Variants in UNC5D observed in about 807,000 individuals in gnomAD.
The protein encoded by UNC5D is unc-5 netrin receptor D, also known as netrin receptor UNC5D.
A neutral mutation model predicts 105.4 loss-of-function variants in UNC5D; 39 were observed. The observed-to-expected ratio is 0.37, with a 90% CI of 0.29 to 0.48. UNC5D has a LOEUF of 0.48. Among genes scored for constraint, UNC5D ranks in the 20% least tolerant of loss-of-function variants. UNC5D has a pLI of 0.98. For synonymous variants in UNC5D, 452 were observed against 450.4 expected (o/e 1.00, Z -0.04); for missense variants, 991 against 1,202.4 (o/e 0.82, Z 2.60).
chr8:35,370,300 G>T (rs537069403), intron 1 of UNC5D, among the ~76,000 whole-genome samples: 2 of 152,208 alleles, frequency 1.3e-5, no homozygotes, highest in East Asian at 3.9e-4. Flanking sequence ...CTAAATTAAA[G>T]AAAAAATATA....
chr8:35,599,701 G>T (rs1449035834), intron 4 of UNC5D, among the ~76,000 whole-genome samples: 1 of 152,042 alleles, frequency 6.6e-6, no homozygotes, highest in Non-Finnish European at 1.5e-5. Flanking sequence ...GTACTAACAG[G>T]TGAAGAAAAC....
rs1353156724 is a variant in UNC5D at position 35,337,102 on chromosome 8, ATAAAT to A, written c.103+101217_103+101221del. On this transcript the variant is annotated intron_variant, in intron 1 of 16. Transcript: ENST00000404895. ...ATGATTTAGAAATCTTGCAGTGGTT[ATAAAT>A]TCTGATATAATACATCACAGACTTC... is the stretch of plus-strand genomic sequence containing the variant. Among the ~76,000 whole-genome samples, 11 of 152,326 alleles carry A rather than the reference ATAAAT, an allele frequency of 7.2e-5. No individual in the cohort carries two copies. In the East Asian group the frequency reaches 1.9e-3, roughly 27 times the overall value.
At chr8:35,495,041 C>T (rs981797299) in intron 1 of UNC5D, among the ~76,000 whole-genome samples, 7 of 151,902 alleles carry the variant, frequency 4.6e-5, no homozygotes, top group African/African-American at 2.4e-5. Context: ...CCCAGGGGAC[C>T]GATCCAGTGA....
In UNC5D at chr8:35,745,741, C is replaced by T. The variant is rs555632602; in HGVS notation, c.1767-2786C>T. Among the ~76,000 whole-genome samples, 4 of 152,252 alleles carry T rather than the reference C, an allele frequency of 2.6e-5. No individual in the cohort carries two copies. In the South Asian group the frequency reaches 8.3e-4, roughly 32 times the overall value. On this transcript the variant is annotated intron_variant, in intron 11 of 16. Transcript: ENST00000404895. Reference sequence around the variant, plus strand: ...TGAAAAACATTAAGTAGCAAAAGTTCTATGCAAAAAGGTTTTTCAGTCTAC... The same window carrying T: ...TGAAAAACATTAAGTAGCAAAAGTTTTATGCAAAAAGGTTTTTCAGTCTAC...
At chr8:35,359,031 G>A (rs373175423) in intron 1 of UNC5D, among the ~76,000 whole-genome samples, 13 of 152,022 alleles carry the variant, frequency 8.6e-5, no homozygotes, top group African/African-American at 1.7e-4. Context: ...CACACCTGTC[G>A]TCCCATGTAC....
chr8:35,344,911 C>T (rs375339988), intron 1 of UNC5D, among the ~76,000 whole-genome samples: 4 of 151,968 alleles, frequency 2.6e-5, no homozygotes, highest in South Asian at 4.2e-4. Flanking sequence ...GTGTTTAATA[C>T]CCTAGATAAG....
At chr8:35,560,417 A>G (rs1295650624) in intron 2 of UNC5D, among the ~76,000 whole-genome samples, 1 of 152,212 alleles carries the variant, frequency 6.6e-6, no homozygotes, top group South Asian at 2.1e-4. Flanking sequence ...ATGTATGCAT[A>G]TATGTGTATA....
rs28590239 is a variant in UNC5D, at chr8:35,555,889, A to G, written c.322+6379A>G. On this transcript the variant is annotated intron_variant, in intron 2 of 16. Transcript: ENST00000404895. ...ATAAAAAAACAGCACACACACACAC[A>G]CACACACACACACACACACACACAC... Among the ~76,000 whole-genome samples, 310 of 108,058 alleles carry G rather than the reference A, an allele frequency of 2.9e-3. 13 individuals are homozygous for G. Among genetic ancestry groups the G allele is most frequent in the African/African-American group, 0.016 (290 of 18,122 alleles). 70.9% of individuals were successfully genotyped at this position (108,058 alleles called of 152,430 possible). A position where few individuals can be genotyped will look rare whatever the true frequency, so the allele number is the denominator to read the frequency against.
chr8:35,253,454 G>C (rs1015132444), intron 1 of UNC5D, among the ~76,000 whole-genome samples: 2 of 139,622 alleles, frequency 1.4e-5, no homozygotes, highest in Non-Finnish European at 1.6e-5. Context: ...TGTAGAGTTT[G>C]GAGTAGAGAT....
Position 35,463,916 on chromosome 8 carries a change from T to G in UNC5D, c.104-85376T>G, listed in dbSNP as rs150194358. On this transcript the variant is annotated intron_variant, in intron 1 of 16. Transcript: ENST00000404895. ...TTTGCTTTTTTAGCTAAATGTAAAG[T>G]GCTTAAAAAGTGGGCGGTAGAAAAT... 1.5e-3 allele frequency among the ~76,000 whole-genome samples: 229 copies of G among 152,296 alleles called. 8 individuals carry two copies. The East Asian group carries it at 0.034, about 22-fold the overall frequency.
intron 1 of UNC5D, among the ~76,000 whole-genome samples, chr8:35,509,702 G>A (rs1812574566): frequency 6.6e-6 from 1 of 151,490 alleles, no homozygotes; most frequent in Non-Finnish European, 1.5e-5. Context: ...ATATTCGTGG[G>A]TTTTTCCCCA....
chr8:35,407,058 T>C (rs1804852215), intron 1 of UNC5D, among the ~76,000 whole-genome samples: 1 of 152,168 alleles, frequency 6.6e-6, no homozygotes, highest in Non-Finnish European at 1.5e-5. Context: ...TGTAATACTG[T>C]ATTTTTACTG....
intron 4 of UNC5D, among the ~76,000 whole-genome samples, chr8:35,682,154 A>C (rs1177630414): frequency 6.6e-6 from 1 of 152,086 alleles, no homozygotes; most frequent in African/African-American, 2.4e-5. Flanking sequence ...TAGTAGAGAC[A>C]GGGTTTCACC....
At chr8:35,469,007 A>T (rs1809513813) in intron 1 of UNC5D, among the ~76,000 whole-genome samples, 1 of 152,180 alleles carries the variant, frequency 6.6e-6, no homozygotes, top group African/African-American at 2.4e-5. Context: ...TATTCGTGCC[A>T]TGTGGAGGTG....
intron 1 of UNC5D, among the ~76,000 whole-genome samples, chr8:35,501,101 TCTGA>T (rs1356420306): frequency 3.9e-5 from 6 of 152,204 alleles, no homozygotes; most frequent in Non-Finnish European, 7.3e-5. Flanking sequence ...ATACCTCATG[TCTGA>T]CTGACCAAAG....
intron 1 of UNC5D, among the ~76,000 whole-genome samples, chr8:35,378,493 C>A (rs936650993): frequency 3.3e-5 from 5 of 152,124 alleles, no homozygotes; most frequent in African/African-American, 1.2e-4. Flanking sequence ...AGGCTCACCC[C>A]CTTCAGTTTG....
intron 1 of UNC5D, among the ~76,000 whole-genome samples, chr8:35,535,107 G>C (rs1391164716): frequency 6.6e-6 from 1 of 152,098 alleles, no homozygotes; most frequent in African/African-American, 2.4e-5. Context: ...CCCAGACCCT[G>C]GGTGCCAACA....
intron 1 of UNC5D, among the ~76,000 whole-genome samples, chr8:35,502,557 GT>G (rs1812038685): frequency 6.6e-6 from 1 of 151,854 alleles, no homozygotes; most frequent in African/African-American, 2.4e-5. Context: ...TCGTTTTTTT[GT>G]TTGTTTGTTT....
intron 4 of UNC5D, among the ~76,000 whole-genome samples, chr8:35,652,883 T>A (rs1823508230): frequency 6.6e-6 from 1 of 151,552 alleles, no homozygotes; most frequent in Non-Finnish European, 1.5e-5. Flanking sequence ...TCCTCTTGTC[T>A]TTGGTGGTCT....
Sources: allele counts gnomAD v4.1 joint callset (sites outside exome capture counted in the v4.1 genomes callset), GRCh38; gene constraint gnomAD v4.1.1; transcripts MANE v1.5; gene names NCBI Gene and HGNC (gene_info 2026-07-23, HGNC 2026-07-21).